The following FSTL5 variants were observed in gnomAD, a reference collection of about 807,000 sequenced individuals.
FSTL5 encodes follistatin like 5.
FSTL5 carries 62 observed loss-of-function variants against 89.1 expected under a neutral mutation model. The ratio of observed to expected loss-of-function variants is 0.70; its 90% CI spans 0.57 to 0.86. The LOEUF is 0.86. FSTL5 is among the 40% of genes least tolerant of loss of function. The pLI, the probability that FSTL5 is intolerant of heterozygous loss-of-function variation, is 0.00. For synonymous variants in FSTL5, 383 were observed against 346.2 expected (o/e 1.11, Z -1.18); for missense variants, 1,057 against 1,001.6 (o/e 1.06, Z -0.75).
At chr4:162,078,849 T>A (rs1217980873) in intron 2 of FSTL5, among the ~76,000 whole-genome samples, 3 of 151,800 alleles carry the variant, frequency 2.0e-5, no homozygotes, top group Admixed American at 6.6e-5. Context: ...CATGGTATTT[T>A]TACATGTGTT....
At chr4:161,411,874 G>A (rs919011234) in intron 15 of FSTL5, among the ~76,000 whole-genome samples, 3 of 152,112 alleles carry the variant, frequency 2.0e-5, no homozygotes, top group Non-Finnish European at 2.9e-5. Context: ...GGAATAAAAG[G>A]CATCCAAATA....
At chr4:161,449,908 C>T (rs779376990) in intron 15 of FSTL5, among the ~76,000 whole-genome samples, 3 of 152,108 alleles carry the variant, frequency 2.0e-5, no homozygotes, top group African/African-American at 7.2e-5. Flanking sequence ...ACATCTTATT[C>T]GTGCTACGTC....
chr4:162,040,804 C>T (rs1737922604), intron 2 of FSTL5, among the ~76,000 whole-genome samples: 1 of 151,024 alleles, frequency 6.6e-6, no homozygotes. Context: ...AATCAGCACC[C>T]CCATTATTAT....
chr4:161,778,033 G>A (rs1294335764), intron 4 of FSTL5, among the ~76,000 whole-genome samples: 1 of 152,052 alleles, frequency 6.6e-6, no homozygotes, highest in African/African-American at 2.4e-5. Flanking sequence ...GGCAGAGGTT[G>A]CAGTGAGCCA....
chr4:162,083,104 T>A lies in FSTL5; in HGVS notation c.126+28167A>T, dbSNP rs955160322. On this transcript the variant is annotated intron_variant, in intron 2 of 15. Transcript: ENST00000306100. ...GAAAGACATTTGTTTGGAAAATAGTTTATAATAAGAATATTCATGCCAGAG... is the reference window on the plus strand; with the variant it reads ...GAAAGACATTTGTTTGGAAAATAGTATATAATAAGAATATTCATGCCAGAG... Among the ~76,000 whole-genome samples the A allele has an allele frequency of 1.1e-4, 17 of 151,840 alleles. No individual in the cohort carries two copies. The East Asian group carries it at 2.1e-3, about 19-fold the overall frequency.
chr4:161,660,866 G>C (rs1736682515), intron 6 of FSTL5, among the ~76,000 whole-genome samples: 1 of 152,006 alleles, frequency 6.6e-6, no homozygotes, highest in Non-Finnish European at 1.5e-5. Context: ...TGTTTATCCA[G>C]TGTATCATTA....
intron 8 of FSTL5, 77 bp from the exon 9 acceptor site, chr4:161,542,770 T>C: frequency 1.3e-6 from 1 of 795,330 alleles, no homozygotes; most frequent in Non-Finnish European, 1.8e-6. Flanking sequence ...AAAATTGCAA[T>C]AAGATAAATA....
intron 15 of FSTL5, among the ~76,000 whole-genome samples, chr4:161,427,904 C>T (rs1316079424): frequency 6.6e-6 from 1 of 152,138 alleles, no homozygotes; most frequent in Non-Finnish European, 1.5e-5. Flanking sequence ...AAATACCACC[C>T]TTTTAAAAGT....
chr4:161,451,596 G>C (rs975592603), intron 15 of FSTL5, among the ~76,000 whole-genome samples: 2 of 152,186 alleles, frequency 1.3e-5, no homozygotes, highest in South Asian at 4.1e-4. Flanking sequence ...GAAGTAAGTT[G>C]GTTAAGGTCA....
At chr4:161,868,012 T>C (rs987574835) in intron 4 of FSTL5, among the ~76,000 whole-genome samples, 2 of 152,078 alleles carry the variant, frequency 1.3e-5, no homozygotes, top group African/African-American at 4.8e-5. Flanking sequence ...ATGATACAAA[T>C]GTATCTACAG....
intron 4 of FSTL5, among the ~76,000 whole-genome samples, chr4:161,866,484 G>A (rs1299942569): frequency 6.7e-6 from 1 of 148,906 alleles, no homozygotes; most frequent in Non-Finnish European, 1.5e-5. Context: ...GTGTGTGTGT[G>A]TGTGTGTGTG....
intron 3 of FSTL5, among the ~76,000 whole-genome samples, chr4:161,950,538 T>A (rs1414525694): frequency 6.6e-6 from 1 of 152,178 alleles, no homozygotes; most frequent in Non-Finnish European, 1.5e-5. Flanking sequence ...CTTTCCCAGT[T>A]CATCTGCTGT....
At chr4:161,909,840 T>C (rs1278767570) in intron 4 of FSTL5, among the ~76,000 whole-genome samples, 1 of 152,134 alleles carries the variant, frequency 6.6e-6, no homozygotes, top group East Asian at 1.9e-4. Flanking sequence ...TGCCGGATAA[T>C]TTTTCCTTCT....
intron 4 of FSTL5, among the ~76,000 whole-genome samples, chr4:161,792,046 C>T (rs1729495680): frequency 6.6e-6 from 1 of 152,192 alleles, no homozygotes; most frequent in South Asian, 2.1e-4. Flanking sequence ...ACCCAGGCAT[C>T]CCTGCACCCT....
chr4:161,875,884 G>T (rs1295872209), intron 4 of FSTL5, among the ~76,000 whole-genome samples: 14 of 152,016 alleles, frequency 9.2e-5, no homozygotes, highest in Admixed American at 6.6e-4. Flanking sequence ...CAATCTGTTT[G>T]ATCTACAAAA....
intron 4 of FSTL5, among the ~76,000 whole-genome samples, chr4:161,811,543 G>A (rs1405072145): frequency 6.6e-6 from 1 of 152,084 alleles, no homozygotes; most frequent in East Asian, 1.9e-4. Flanking sequence ...TGAGTAGGGA[G>A]TGAGTGGATT....
chr4:161,930,481 T>C (rs779458993), intron 3 of FSTL5, among the ~76,000 whole-genome samples: 1 of 151,558 alleles, frequency 6.6e-6, no homozygotes, highest in Non-Finnish European at 1.5e-5. Context: ...AGTTTAAAAA[T>C]ATTATATCAG....
At chr4:161,480,928 T>A in intron 13 of FSTL5, 92 bp downstream of exon 13, 1 of 808,924 alleles carries the variant, frequency 1.2e-6, no homozygotes, top group Non-Finnish European at 1.9e-6. Flanking sequence ...AAACACATTA[T>A]CAGTGACAAT....
intron 6 of FSTL5, among the ~76,000 whole-genome samples, chr4:161,670,681 A>G (rs1737066912): frequency 6.6e-6 from 1 of 152,242 alleles, no homozygotes; most frequent in Non-Finnish European, 1.5e-5. Flanking sequence ...ACGAAGTTTT[A>G]CAGTGAGTGT....
Sources: allele counts gnomAD v4.1 joint callset (sites outside exome capture counted in the v4.1 genomes callset), GRCh38; gene constraint gnomAD v4.1.1; transcripts MANE v1.5; gene names NCBI Gene and HGNC (gene_info 2026-07-23, HGNC 2026-07-21).